Variants in TRIM9 observed in about 807,000 individuals in gnomAD.
TRIM9 encodes tripartite motif containing 9.
In TRIM9, 26 loss-of-function variants were observed where a neutral mutation model predicts 78.3. The observed-to-expected ratio is 0.33, with a 90% confidence interval of 0.24 to 0.46. The LOEUF (loss-of-function observed/expected upper bound fraction) is 0.46. Ranked by LOEUF, TRIM9 falls within the 20% of genes least tolerant of loss-of-function variation. TRIM9 has a pLI of 1.00. For synonymous variants in TRIM9, 398 were observed against 416.5 expected (o/e 0.96, Z 0.54); for missense variants, 787 against 1,036.4 (o/e 0.76, Z 3.30).
chr14:51,066,699 G>A (rs924832270), intron 1 of TRIM9, among the ~76,000 whole-genome samples: 7 of 152,318 alleles, frequency 4.6e-5, no homozygotes, highest in African/African-American at 7.2e-5. Context: ...AGTCTGCTGC[G>A]TGGTCAGACA....
chr14:51,035,623 C>G (rs4418980), intron 1 of TRIM9, among the ~76,000 whole-genome samples: 3,901 of 152,226 alleles, frequency 0.026, 119 homozygotes, highest in African/African-American at 0.075. Context: ...GCTATACCAC[C>G]CGGAAGAACA....
chr14:51,086,159 T>G (rs2063732448), intron 1 of TRIM9, among the ~76,000 whole-genome samples: 1 of 152,242 alleles, frequency 6.6e-6, no homozygotes, highest in South Asian at 2.1e-4. Flanking sequence ...CATAAAACTG[T>G]GCTTTATAGG....
In TRIM9 at chr14:51,094,802, G is replaced by A. The variant is rs902124085; in HGVS notation, c.138C>T (p.Ser46=). Residue 46 remains serine (S), a synonymous_variant, in exon 1 of 13, where the codon TCC becomes TCT. Transcript: ENST00000684578. ...NILVQTPESE[S]PQSHRAAGSG... ...AGCCCGCGGCCCGATGGCTCTGGGG[G>A]GATTCAGACTCTGGGGTCTGCACCA... is the stretch of plus-strand genomic sequence containing the variant. 2.0e-6 allele frequency: 3 copies of A among 1,536,510 alleles called. No individual in the cohort carries two copies. Among genetic ancestry groups the A allele is most frequent in the Middle Eastern group, 1.8e-4 (1 of 5,646 alleles).
chr14:51,011,709 CT>C (rs1193610588), intron 3 of TRIM9, among the ~76,000 whole-genome samples: 1 of 152,206 alleles, frequency 6.6e-6, no homozygotes, highest in African/African-American at 2.4e-5. Flanking sequence ...ATTTCATCCA[CT>C]TTCCAAAACA....
intron 1 of TRIM9, among the ~76,000 whole-genome samples, chr14:51,029,004 C>G (rs575756546): frequency 6.6e-6 from 1 of 152,208 alleles, no homozygotes; most frequent in East Asian, 1.9e-4. Flanking sequence ...CGTTTCAGGA[C>G]CTACTTCTCA....
intron 1 of TRIM9, among the ~76,000 whole-genome samples, chr14:51,031,162 A>AG (rs1420246859): frequency 2.1e-3 from 315 of 150,564 alleles, no homozygotes; most frequent in Admixed American, 5.4e-3. Flanking sequence ...AAAAAAAAAA[A>AG]AAAGAAAGAA....
chr14:50,979,745 C>G (rs1241242550), intron 11 of TRIM9, among the ~76,000 whole-genome samples, 196 bp from the exon 12 acceptor site: 5 of 152,122 alleles, frequency 3.3e-5, no homozygotes, highest in Admixed American at 2.0e-4. Context: ...GTGTGTATAT[C>G]TGTGTTTTAT....
chr14:50,998,026 A>G, intron 7 of TRIM9, 24 bp downstream of exon 7: 1 of 1,613,906 alleles, frequency 6.2e-7, no homozygotes, highest in Non-Finnish European at 8.5e-7. Flanking sequence ...TCTCGCTCTG[A>G]GGGATACTGC....
At chr14:51,007,646 G>A (rs1340116972) in intron 5 of TRIM9, among the ~76,000 whole-genome samples, 1 of 152,156 alleles carries the variant, frequency 6.6e-6, no homozygotes, top group Non-Finnish European at 1.5e-5. Context: ...AATAAAATGA[G>A]TTATACGTAG....
rs531415087 is a variant in TRIM9 at position 50,977,054 on chromosome 14, G to A, written c.*237C>T. The A allele has an allele frequency of 2.8e-6, 1 of 360,532 alleles. No individual in the cohort carries two copies. Among genetic ancestry groups the A allele is most frequent in the East Asian group, 4.0e-5 (1 of 24,872 alleles). 22.3% of individuals were successfully genotyped at this position (360,532 alleles called of 1,614,324 possible). On this transcript the variant is annotated 3_prime_UTR_variant, in exon 13 of 13. Transcript: ENST00000684578. ...ACCAAGTGACTTGGTGGGCTGTCTAGGTCCTTTGTTGGTTAGAATTGTTGG... is the reference window on the plus strand; with the variant it reads ...ACCAAGTGACTTGGTGGGCTGTCTAAGTCCTTTGTTGGTTAGAATTGTTGG...
In TRIM9 at chr14:51,070,514, A is replaced by C. The variant is rs568252009; in HGVS notation, c.822+23604T>G. Among the ~76,000 whole-genome samples, 3 of 139,372 alleles carry C rather than the reference A, an allele frequency of 2.2e-5. No individual in the cohort carries two copies. The South Asian group carries it at 6.6e-4, about 31-fold the overall frequency. The allele number at this position is 139,372 out of a possible 152,430, so 91.4% of individuals were successfully genotyped here. A position where few individuals can be genotyped will look rare whatever the true frequency, so the allele number is the denominator to read the frequency against. On this transcript the variant is annotated intron_variant, in intron 1 of 12. Transcript: ENST00000684578. ...GCCTGGGACTGACTGGAAGTGTTTC[A>C]GATTTTTTTTTTTTTTTGGATTTTG...
chr14:51,053,592 T>A (rs1038256919), intron 1 of TRIM9, among the ~76,000 whole-genome samples: 1 of 115,532 alleles, frequency 8.7e-6, no homozygotes, highest in African/African-American at 3.5e-5. Flanking sequence ...TTTTTTTTTT[T>A]TAATTTTTTT....
intron 1 of TRIM9, among the ~76,000 whole-genome samples, chr14:51,029,290 G>A (rs2058525105): frequency 6.6e-6 from 1 of 152,130 alleles, no homozygotes; most frequent in African/African-American, 2.4e-5. Flanking sequence ...CAGAGGAGGC[G>A]GCAAACAAGC....
At chr14:51,085,212 T>G (rs1221067149) in intron 1 of TRIM9, among the ~76,000 whole-genome samples, 1 of 152,186 alleles carries the variant, frequency 6.6e-6, no homozygotes, top group East Asian at 1.9e-4. Context: ...TCAATAAAAC[T>G]GACTGATGCT....
Position 51,022,693 on chromosome 14 carries a change from T to C in TRIM9, c.1041+142A>G, listed in dbSNP as rs189995151. 403 of 1,318,884 alleles carry C rather than the reference T, an allele frequency of 3.1e-4. 5 individuals are homozygous for C. Among genetic ancestry groups the C allele is most frequent in the South Asian group, 2.9e-3 (194 of 66,618 alleles). The allele number at this position is 1,318,884 out of a possible 1,614,324, so 81.7% of individuals were successfully genotyped here. On this transcript the variant is annotated intron_variant, in intron 3 of 12. Transcript: ENST00000684578. ...GTGAATGAAGGGAGGTGTCTGTTCC[T>C]TTCTGGCCAGACCACTGGCTACCCA...
At chr14:51,056,441 T>C (rs183428078) in intron 1 of TRIM9, among the ~76,000 whole-genome samples, 158 of 152,300 alleles carry the variant, frequency 1.0e-3, no homozygotes, top group Non-Finnish European at 1.6e-3. Flanking sequence ...AAATTTATCA[T>C]GAAATAATCC....
At chr14:51,000,330 T>C (rs1328479585) in intron 6 of TRIM9, among the ~76,000 whole-genome samples, 1 of 152,226 alleles carries the variant, frequency 6.6e-6, no homozygotes, top group Non-Finnish European at 1.5e-5. Flanking sequence ...AGCATGAGAT[T>C]CACGCTATTG....
intron 1 of TRIM9, among the ~76,000 whole-genome samples, chr14:51,056,479 T>C (rs959416519): frequency 2.2e-4 from 33 of 151,774 alleles, no homozygotes; most frequent in Non-Finnish European, 8.8e-5. Context: ...ATACTCTAGA[T>C]CCCAGAGCTC....
At chr14:50,983,226 C>T (rs914778559) in intron 9 of TRIM9, among the ~76,000 whole-genome samples, 154 bp downstream of exon 9, 5 of 152,132 alleles carry the variant, frequency 3.3e-5, no homozygotes, top group African/African-American at 4.8e-5. Flanking sequence ...GCATCTTTTC[C>T]ATTTTTTAAG....
Sources: gnomAD v4.1 joint callset for allele counts (sites outside exome capture counted in the v4.1 genomes callset) on GRCh38, gnomAD v4.1.1 for gene constraint, MANE v1.5 for transcripts, NCBI Gene and HGNC (gene_info 2026-07-23, HGNC 2026-07-21) for gene names.